The following MDGA2 variants were observed in gnomAD, a reference collection of about 807,000 sequenced individuals.
The protein encoded by MDGA2 is MAM domain containing glycosylphosphatidylinositol anchor 2.
In MDGA2, 40 loss-of-function variants were observed where a neutral mutation model predicts 117.8. The ratio of observed to expected loss-of-function variants is 0.34; its 90% confidence interval spans 0.26 to 0.44. The LOEUF is 0.44. MDGA2 is among the 20% of genes least tolerant of loss of function. The pLI is 1.00. For missense variants in MDGA2, 1,123 were observed against 1,250.6 expected (o/e 0.90, Z 1.54); for synonymous variants, 452 against 439.0 (o/e 1.03, Z -0.37).
At chr14:47,476,626 C>T (rs1045898169) in intron 1 of MDGA2, among the ~76,000 whole-genome samples, 1 of 151,810 alleles carries the variant, frequency 6.6e-6, no homozygotes, top group African/African-American at 2.4e-5. Context: ...CTGAGGGACA[C>T]AGAGTTTATC....
At chr14:47,502,882 T>C (rs1367916727) in intron 1 of MDGA2, among the ~76,000 whole-genome samples, 2 of 152,018 alleles carry the variant, frequency 1.3e-5, no homozygotes, top group African/African-American at 4.8e-5. Flanking sequence ...GGGTCTGGCT[T>C]TGTTGCCCAG....
intron 7 of MDGA2, among the ~76,000 whole-genome samples, chr14:47,052,098 C>T (rs1394018351): frequency 6.6e-6 from 1 of 151,830 alleles, no homozygotes; most frequent in Non-Finnish European, 1.5e-5. Context: ...CATCATTACT[C>T]ACTGTTATCA....
At chr14:47,143,487 AG>A (rs970581104) in intron 4 of MDGA2, among the ~76,000 whole-genome samples, 4 of 152,204 alleles carry the variant, frequency 2.6e-5, no homozygotes, top group African/African-American at 9.6e-5. Flanking sequence ...GTATTACACA[AG>A]AATATTTCAT....
chr14:47,049,776 C>T (rs1246995896), intron 7 of MDGA2, among the ~76,000 whole-genome samples: 2 of 151,964 alleles, frequency 1.3e-5, no homozygotes, highest in Non-Finnish European at 2.9e-5. Context: ...TCTCTTTTCA[C>T]ATATTTTTGG....
Position 47,624,018 on chromosome 14 carries a change from T to G in MDGA2, c.280+50499A>C, listed in dbSNP as rs868667688. Among the ~76,000 whole-genome samples the G allele has an allele frequency of 3.3e-5, 5 of 152,356 alleles. No homozygotes were observed. The South Asian group carries it at 1.0e-3, about 32-fold the overall frequency. On this transcript the variant is annotated intron_variant, in intron 1 of 16. Transcript: ENST00000399232. ...ATGCTCAGGAGGTTATTAATCTATG[T>G]TAGCCTTACCATCCCCTTTTTTGAG... is the stretch of plus-strand genomic sequence containing the variant.
chr14:47,470,913 G>C (rs768738147), intron 1 of MDGA2, among the ~76,000 whole-genome samples: 6 of 152,084 alleles, frequency 3.9e-5, no homozygotes, highest in Non-Finnish European at 8.8e-5. Context: ...AAGTTTATAG[G>C]AAATTATCAG....
chr14:47,278,120 A>G (rs960828678), intron 2 of MDGA2, among the ~76,000 whole-genome samples: 1 of 152,140 alleles, frequency 6.6e-6, no homozygotes, highest in Admixed American at 6.5e-5. Context: ...ATTCAAGTTG[A>G]ATGATGAAGA....
At chr14:46,868,360 T>A (rs1169204322) in intron 14 of MDGA2, among the ~76,000 whole-genome samples, 1 of 151,946 alleles carries the variant, frequency 6.6e-6, no homozygotes, top group African/African-American at 2.4e-5. Flanking sequence ...TACTTGAATA[T>A]TTACATGCAG....
chr14:46,853,225 T>C (rs1594995175), intron 15 of MDGA2, among the ~76,000 whole-genome samples: 1 of 151,892 alleles, frequency 6.6e-6, no homozygotes, highest in Non-Finnish European at 1.5e-5. Flanking sequence ...GAAGAAACTA[T>C]TGTTGAATGT....
chr14:47,138,272 A>G (rs1882553298), intron 4 of MDGA2, among the ~76,000 whole-genome samples: 1 of 151,990 alleles, frequency 6.6e-6, no homozygotes. Context: ...TTGCAAGTGA[A>G]TTTTCATGAT....
At chr14:47,293,498 G>C (rs2139782691) in intron 2 of MDGA2, among the ~76,000 whole-genome samples, 1 of 152,286 alleles carries the variant, frequency 6.6e-6, no homozygotes, top group Middle Eastern at 3.4e-3. Context: ...GGACAGGCAA[G>C]AATACTCCAC....
chr14:47,219,208 AAT>A (rs1261173548), intron 2 of MDGA2, among the ~76,000 whole-genome samples: 6 of 152,092 alleles, frequency 3.9e-5, no homozygotes, highest in African/African-American at 1.4e-4. Context: ...GAAATCCTAT[AAT>A]ATTGCCATTA....
intron 10 of MDGA2, among the ~76,000 whole-genome samples, chr14:46,897,570 G>T (rs1315998048): frequency 7.3e-6 from 1 of 137,794 alleles, no homozygotes; most frequent in Non-Finnish European, 1.6e-5. Context: ...ATATGTTAAA[G>T]TCTAACCTAT....
chr14:47,275,038 A>T (rs565951773), intron 2 of MDGA2, among the ~76,000 whole-genome samples: 1 of 152,220 alleles, frequency 6.6e-6, no homozygotes, highest in Admixed American at 6.5e-5. Flanking sequence ...TAATGGTCCC[A>T]TTTGCAGCAC....
At chr14:47,085,975 A>G (rs61991260) in intron 6 of MDGA2, among the ~76,000 whole-genome samples, 5 of 152,114 alleles carry the variant, frequency 3.3e-5, no homozygotes, top group Admixed American at 6.6e-5. Flanking sequence ...CAATGCTTTT[A>G]AATTAATTAC....
intron 5 of MDGA2, among the ~76,000 whole-genome samples, chr14:47,106,483 A>C (rs1265312330): frequency 6.6e-6 from 1 of 151,930 alleles, no homozygotes; most frequent in East Asian, 2.0e-4. Flanking sequence ...CCACTGGGCC[A>C]AGGAATGCCC....
intron 1 of MDGA2, among the ~76,000 whole-genome samples, chr14:47,504,656 A>G (rs1894472911): frequency 6.6e-6 from 1 of 152,146 alleles, no homozygotes; most frequent in African/African-American, 2.4e-5. Context: ...GCTTCCTTCC[A>G]TTTAGAAGGG....
At chr14:47,340,553 G>C (rs1365539657) in intron 1 of MDGA2, among the ~76,000 whole-genome samples, 2 of 152,042 alleles carry the variant, frequency 1.3e-5, no homozygotes, top group Admixed American at 6.6e-5. Flanking sequence ...TCTGATACTG[G>C]TGGCACTGTC....
chr14:47,079,628 G>A (rs372118663), intron 6 of MDGA2, among the ~76,000 whole-genome samples: 37 of 150,860 alleles, frequency 2.5e-4, no homozygotes, highest in Middle Eastern at 3.5e-3. Flanking sequence ...GCATCCAAAT[G>A]TCAGTAGTTA....
Sources: allele counts gnomAD v4.1 joint callset (sites outside exome capture counted in the v4.1 genomes callset), GRCh38; gene constraint gnomAD v4.1.1; transcripts MANE v1.5; gene names NCBI Gene and HGNC (gene_info 2026-07-23, HGNC 2026-07-21).